EMC1: variants seen among roughly 807,000 people sequenced by gnomAD.
The protein encoded by EMC1 is ER membrane protein complex subunit 1.
A neutral mutation model predicts 128.8 loss-of-function variants in EMC1; 103 were observed. The ratio of observed to expected loss-of-function variants is 0.80; its 90% CI spans 0.68 to 0.94. EMC1 has a LOEUF of 0.94. Among genes scored for constraint, EMC1 ranks in the 40% least tolerant of loss-of-function variants. The probability of loss-of-function intolerance (pLI) is 0.00; values close to 1 mark genes in which losing one functional copy is unlikely to be tolerated. For synonymous variants in EMC1, 442 were observed against 490.4 expected, an observed-to-expected ratio of 0.90 and a Z score of 1.30; for missense variants, 1,083 against 1,250.6, an observed-to-expected ratio of 0.87 and a Z score of 2.02.
chr1:19,243,446 A>G (rs944161176), intron 4 of EMC1, among the ~76,000 whole-genome samples, 168 bp downstream of exon 4: 5 of 152,218 alleles, frequency 3.3e-5, no homozygotes, highest in African/African-American at 1.2e-4. Flanking sequence ...ACAGGCGCTC[A>G]ATACATGTTG....
intron 18 of EMC1, among the ~76,000 whole-genome samples, chr1:19,223,923 G>T (rs2093451263): frequency 6.6e-6 from 1 of 152,096 alleles, no homozygotes; most frequent in African/African-American, 2.4e-5. Context: ...TTGACCTAGG[G>T]ACAAATGCTG....
chr1:19,249,376 T>C (rs1417087758), intron 1 of EMC1, among the ~76,000 whole-genome samples: 2 of 152,232 alleles, frequency 1.3e-5, no homozygotes, highest in African/African-American at 4.8e-5. Flanking sequence ...ATTTTTACCA[T>C]ACATTTTCTA....
At position 19,227,415 on chromosome 1, in the gene EMC1, A is replaced by T; in HGVS notation, c.2100T>A (p.Ile700=). 2 of 1,614,184 alleles carry T rather than the reference A, an allele frequency of 1.2e-6. No homozygotes were observed. The highest frequency in any genetic ancestry group is 4.5e-5 in the East Asian group (2 of 44,880). ...LTTELSWELT[I]PPEVQRIVKV... is the part of the protein sequence containing the mutation. ...TGACGATCCGCTGTACTTCTGGGGG[A>T]ATGGTCAGCTCCCAACTCAGCTCAG... Residue 700 remains isoleucine (I), a synonymous_variant, in exon 18 of 23, where the codon ATT becomes ATA. Coordinates refer to ENST00000477853, the MANE Select transcript of EMC1 (RefSeq NM_015047.3).
chr1:19,230,309 G>A (rs995263025), intron 17 of EMC1, among the ~76,000 whole-genome samples: 4 of 152,290 alleles, frequency 2.6e-5, no homozygotes, highest in East Asian at 3.9e-4. Context: ...GGTGGCTCAC[G>A]CCTGTAATCC....
In EMC1 at chr1:19,244,936, C is replaced by T; in HGVS notation, c.190G>A (p.Ala64Thr). The change falls in exon 2 of 23, where the codon GCA (alanine) becomes ACA (threonine). Residue 64 changes from alanine (A) to threonine (T), a missense_variant. This residue lies in a region of EMC1 where 544 missense variants were observed against 572.4 expected (regional missense o/e 0.95). Transcript: ENST00000477853. Reference protein sequence around the residue: ...LVVATEKNVIAALNSRTGEIL... With the variant: ...LVVATEKNVITALNSRTGEIL... Reference sequence around the variant, plus strand: ...TCCCCAGTTCGGGAATTTAATGCTGCAATCACATTCTTCTCTGTGGCTACA... The same window carrying T: ...TCCCCAGTTCGGGAATTTAATGCTGTAATCACATTCTTCTCTGTGGCTACA... 1 of 1,613,850 alleles carries T rather than the reference C, an allele frequency of 6.2e-7. No homozygotes were observed. The highest frequency in any genetic ancestry group is 8.5e-7 in the Non-Finnish European group (1 of 1,179,812).
chr1:19,230,251 A>G (rs1028162088), intron 17 of EMC1, among the ~76,000 whole-genome samples: 1 of 151,996 alleles, frequency 6.6e-6, no homozygotes, highest in Non-Finnish European at 1.5e-5. Flanking sequence ...CCAAGAATGG[A>G]AAAAAAGTCC....
chr1:19,223,886 A>C (rs938044276), intron 18 of EMC1, among the ~76,000 whole-genome samples: 1 of 152,188 alleles, frequency 6.6e-6, no homozygotes, highest in African/African-American at 2.4e-5. Context: ...ATGGTAACCC[A>C]AGACAAAATC....
At chr1:19,226,338 T>G (rs2093472991) in intron 18 of EMC1, among the ~76,000 whole-genome samples, 1 of 152,076 alleles carries the variant, frequency 6.6e-6, no homozygotes, top group African/African-American at 2.4e-5. Flanking sequence ...AGAGCTGGGC[T>G]AGGCGCAGTG....
At chr1:19,247,459 G>A (rs542916457) in intron 1 of EMC1, among the ~76,000 whole-genome samples, 1 of 152,330 alleles carries the variant, frequency 6.6e-6, no homozygotes, top group African/African-American at 2.4e-5. Flanking sequence ...TAATGGAGCT[G>A]AAAAATTCCT....
At chr1:19,242,095 T>A (rs2093609358) in intron 5 of EMC1, among the ~76,000 whole-genome samples, 1 of 152,138 alleles carries the variant, frequency 6.6e-6, no homozygotes, top group African/African-American at 2.4e-5. Context: ...AGTGAGTGGC[T>A]CCCGTAGCAT....
intron 16 of EMC1, 82 bp from the exon 17 acceptor site, chr1:19,231,045 G>C: frequency 1.3e-6 from 2 of 1,545,246 alleles, no homozygotes; most frequent in Non-Finnish European, 1.8e-6. Flanking sequence ...CTGCAAATCA[G>C]TTGATTTGAA....
In EMC1 at chr1:19,227,345, G is replaced by A. The variant is rs777786640; in HGVS notation, c.2170C>T (p.Arg724Cys). The A allele has an allele frequency of 1.9e-5, 31 of 1,613,978 alleles. No individual in the cohort carries two copies. Among genetic ancestry groups the A allele is most frequent in the Non-Finnish European group, 2.4e-5 (28 of 1,180,006 alleles). Residue 724 changes from arginine to cysteine, a missense_variant, in exon 18 of 23, where the codon CGT (arginine) becomes TGT (cysteine). Around this residue, in one of 3 missense-constraint regions of EMC1, gnomAD observed 527 missense variants for 644.1 expected, o/e 0.82. Transcript: ENST00000477853. ...AGCACACTGCGGTCCCCCATCACAC[G>A]GCCCTGGGAATGAACGTGCTCACTG... Reference protein sequence around the residue: ...RSSEHVHSQGRVMGDRSVLYK... With the variant: ...RSSEHVHSQGCVMGDRSVLYK...
intron 12 of EMC1, among the ~76,000 whole-genome samples, chr1:19,236,659 CA>C (rs34407393): frequency 0.5 from 50,317 of 100,512 alleles, 10,576 homozygotes; most frequent in East Asian, 0.73. Flanking sequence ...AACTCCGTCT[CA>C]AAAAAAAAAA....
Position 19,227,448 on chromosome 1 carries a change from A to T in EMC1, c.2067T>A (p.Asp689Glu), listed in dbSNP as rs1215427102. 23 of 1,614,182 alleles carry T rather than the reference A, an allele frequency of 1.4e-5. No homozygotes were observed. The highest frequency in any genetic ancestry group is 1.7e-5 in the Non-Finnish European group (20 of 1,180,038). The change falls in exon 18 of 23, where the codon GAT becomes GAA. Residue 689 changes from aspartate (D) to glutamate (E), a missense_variant and splice_region_variant. Around this residue, in one of 3 missense-constraint regions of EMC1, gnomAD observed 527 missense variants for 644.1 expected, o/e 0.82. Coordinates refer to ENST00000477853, the MANE Select transcript of EMC1 (RefSeq NM_015047.3). ...GCTCCCAACTCAGCTCAGTGGTGAGATCCTAGGGCAGGGGCAAAAAAGCCT... is the reference window on the plus strand; with the variant it reads ...GCTCCCAACTCAGCTCAGTGGTGAGTTCCTAGGGCAGGGGCAAAAAAGCCT... ...GRLCGYRLRK[D>E]LTTELSWELT...
intron 4 of EMC1, among the ~76,000 whole-genome samples, chr1:19,243,392 T>C (rs2093616905): frequency 6.6e-6 from 1 of 152,208 alleles, no homozygotes; most frequent in Non-Finnish European, 1.5e-5. Context: ...AGGAACAGCA[T>C]TCAAGCACAA....
chr1:19,237,202 C>T lies in EMC1; in HGVS notation c.1249G>A (p.Val417Met), dbSNP rs149732850. Residue 417 changes from valine to methionine, a missense_variant, in exon 12 of 23, where the codon GTG becomes ATG. This residue lies in a region of EMC1 where 544 missense variants were observed against 572.4 expected (regional missense o/e 0.95). Transcript: ENST00000477853. ...GTCTGCACCAAAGCCCGGTAGCCCA[C>T]TGAGTCATCCTTCTTCAAGAACACC... ...IQVFLKKDDS[V>M]GYRALVQTED... is the part of the protein sequence containing the mutation. The T allele has an allele frequency of 1.2e-6, 2 of 1,614,100 alleles. No individual in the cohort carries two copies. Among genetic ancestry groups the T allele is most frequent in the Non-Finnish European group, 1.7e-6 (2 of 1,179,982 alleles).
intron 1 of EMC1, among the ~76,000 whole-genome samples, chr1:19,248,717 C>A (rs982026825): frequency 2.0e-5 from 3 of 152,116 alleles, no homozygotes; most frequent in Non-Finnish European, 4.4e-5. Flanking sequence ...CACGCCCAGC[C>A]CCAAGCTGGT....
chr1:19,240,906 A>T, intron 6 of EMC1, 110 bp downstream of exon 6: 1 of 1,244,340 alleles, frequency 8.0e-7, no homozygotes, highest in Non-Finnish European at 1.1e-6. Context: ...GAGGGAGCAT[A>T]AGTAGCTTTT....
rs1364088313 is a variant in EMC1 at position 19,217,742 on chromosome 1, T to A, written c.*1561A>T. On this transcript the variant is annotated 3_prime_UTR_variant, in exon 23 of 23. Coordinates refer to ENST00000477853, the MANE Select transcript of EMC1 (RefSeq NM_015047.3). Reference sequence around the variant, plus strand: ...CTAGGGCAGAATTTTTTTTAACTTGTACTTAACTCTCTTCTCCCAGGTTAT... The same window carrying A: ...CTAGGGCAGAATTTTTTTTAACTTGAACTTAACTCTCTTCTCCCAGGTTAT... 2 of 152,228 alleles carry A rather than the reference T, an allele frequency of 1.3e-5. No homozygotes were observed. The highest frequency in any genetic ancestry group is 4.8e-5 in the African/African-American group (2 of 41,456). 9.4% of individuals were successfully genotyped at this position (152,228 alleles called of 1,614,324 possible).
Sources: gnomAD v4.1 joint callset for allele counts (sites outside exome capture counted in the v4.1 genomes callset) on GRCh38, gnomAD v4.1.1 for gene constraint, gnomAD v4.1.1 regional missense constraint, MANE v1.5 for transcripts, NCBI Gene and HGNC (gene_info 2026-07-23, HGNC 2026-07-21) for gene names.